Variants in SUGP2 observed in about 807,000 individuals in gnomAD.
The protein encoded by SUGP2 is SURP and G-patch domain containing 2, also known as SURP and G-patch domain-containing protein 2.
A neutral mutation model predicts 90.5 loss-of-function variants in SUGP2; 24 were observed. The observed-to-expected ratio is 0.27, with a 90% CI of 0.19 to 0.37. SUGP2 has a LOEUF of 0.37. Ranked by LOEUF, SUGP2 falls within the 10% of genes least tolerant of loss-of-function variation. The probability of loss-of-function intolerance (pLI) is 1.00; values close to 1 mark genes in which losing one functional copy is unlikely to be tolerated. For synonymous variants in SUGP2, 473 were observed against 513.4 expected, an observed-to-expected ratio of 0.92 and a Z score of 1.06; for missense variants, 1,233 against 1,363.3, an observed-to-expected ratio of 0.90 and a Z score of 1.51.
chr19:19,030,470 C>A (rs1299716056), intron 2 of SUGP2, among the ~76,000 whole-genome samples: 2 of 152,144 alleles, frequency 1.3e-5, no homozygotes, highest in Admixed American at 1.3e-4. Context: ...GCCAAGATCC[C>A]TCCATTGCCC....
chr19:19,030,525 A>G (rs1483420672), intron 2 of SUGP2, among the ~76,000 whole-genome samples: 1 of 152,142 alleles, frequency 6.6e-6, no homozygotes, highest in Non-Finnish European at 1.5e-5. Flanking sequence ...AAAACAAACA[A>G]ACAAACAAAC....
intron 4 of SUGP2, among the ~76,000 whole-genome samples, chr19:19,011,723 G>T (rs891383004): frequency 2.0e-4 from 30 of 152,110 alleles, no homozygotes; most frequent in Admixed American, 1.3e-4. Context: ...TAAGATGGGC[G>T]TGGTGGCTCA....
At position 19,009,349 on chromosome 19, in the gene SUGP2, G is replaced by A. The variant is rs182801523; in HGVS notation, c.2338+506C>T. On this transcript the variant is annotated intron_variant, in intron 5 of 10. Transcript: ENST00000452918. ...GAAGCACTGGCCAGAGAGCAGGCCT[G>A]TGGTACAGAGAGAAAGAAACAGCTA... 1.3e-4 allele frequency among the ~76,000 whole-genome samples: 20 copies of A among 152,018 alleles called. No homozygotes were observed. The East Asian group carries it at 3.9e-3, about 29-fold the overall frequency.
intron 6 of SUGP2, among the ~76,000 whole-genome samples, chr19:19,005,877 A>ACACAC (rs766203958): frequency 1.7e-5 from 1 of 58,008 alleles, no homozygotes; most frequent in African/African-American, 1.0e-4. Context: ...ACACACACAC[A>ACACAC]CACACACACA....
intron 9 of SUGP2, 33 bp downstream of exon 9, chr19:18,995,111 A>ACCCCC: frequency 1.1e-6 from 1 of 949,170 alleles, no homozygotes; most frequent in Non-Finnish European, 1.6e-6. Context: ...CTGAGGCCCC[A>ACCCCC]CCCACTCCCA....
At chr19:19,023,928 T>C (rs891604178) in intron 3 of SUGP2, among the ~76,000 whole-genome samples, 1 of 151,718 alleles carries the variant, frequency 6.6e-6, no homozygotes, top group African/African-American at 2.4e-5. Flanking sequence ...AGTCAACCCT[T>C]CTTTTTTTCA....
intron 4 of SUGP2, among the ~76,000 whole-genome samples, chr19:19,012,904 C>A (rs1219729375): frequency 6.6e-6 from 1 of 151,966 alleles, no homozygotes; most frequent in Non-Finnish European, 1.5e-5. Flanking sequence ...CGCTCTGTCA[C>A]CCAGGCTGGA....
rs1437265463 is a variant in SUGP2 at position 18,996,343 on chromosome 19, C to T, written c.2992-1063G>A. On this transcript the variant is annotated intron_variant, in intron 8 of 10. Transcript: ENST00000452918. Reference sequence around the variant, plus strand: ...CCTGGGAGGCAGAGGTTGCAGTGAGCGGAGACCGTGCCACTGCATTCCAGC... The same window carrying T: ...CCTGGGAGGCAGAGGTTGCAGTGAGTGGAGACCGTGCCACTGCATTCCAGC... 5.9e-5 allele frequency among the ~76,000 whole-genome samples: 9 copies of T among 152,264 alleles called. No homozygotes were observed. The East Asian group carries it at 1.2e-3, about 20-fold the overall frequency.
chr19:19,026,336 CT>C, intron 2 of SUGP2, 110 bp from the exon 3 acceptor site: 1 of 1,037,902 alleles, frequency 9.6e-7, no homozygotes, highest in Non-Finnish European at 1.3e-6. Context: ...AGCAAAACTG[CT>C]TTATACACCT....
chr19:19,033,386 G>C, intron 1 of SUGP2, 51 bp downstream of exon 1: 1 of 1,235,330 alleles, frequency 8.1e-7, no homozygotes, highest in Non-Finnish European at 1.0e-6. Context: ...CCGAGCCCGA[G>C]CTTCCCACCC....
chr19:18,999,187 C>G (rs964197096), intron 8 of SUGP2, among the ~76,000 whole-genome samples: 1 of 152,150 alleles, frequency 6.6e-6, no homozygotes, highest in Non-Finnish European at 1.5e-5. Flanking sequence ...GTTTCCTGGA[C>G]AGCTGGAGGA....
intron 8 of SUGP2, among the ~76,000 whole-genome samples, chr19:18,998,419 C>T (rs1055702201): frequency 5.9e-5 from 9 of 151,666 alleles, no homozygotes; most frequent in African/African-American, 9.7e-5. Flanking sequence ...TCCAAAGTCC[C>T]GGGATTACAG....
chr19:19,026,022 C>CG lies in SUGP2; in HGVS notation c.325dup (p.Arg109ProfsTer9). 6.2e-7 allele frequency: 1 copy of CG among 1,614,050 alleles called. No homozygotes were observed. Among genetic ancestry groups the CG allele is most frequent in the Non-Finnish European group, 8.5e-7 (1 of 1,180,012 alleles). On this transcript the variant is annotated frameshift_variant, in exon 3 of 11. Coordinates refer to ENST00000452918, the MANE Select transcript of SUGP2 (RefSeq NM_001017392.5). LOFTEE classifies it high-confidence loss of function. ...ATCAGAGTGAGAAAATTCCAGATCC[C>CG]GGCCACATTCTTTGCGAAAGTAGCT...
chr19:19,015,950 T>C (rs1250904087), intron 4 of SUGP2, among the ~76,000 whole-genome samples: 1 of 152,220 alleles, frequency 6.6e-6, no homozygotes, highest in East Asian at 1.9e-4. Flanking sequence ...CTTAATAGAA[T>C]CGTTTTCATA....
chr19:19,033,422 G>T lies in SUGP2; in HGVS notation c.-12+15C>A. The T allele has an allele frequency of 7.5e-7, 1 of 1,327,570 alleles. No individual in the cohort carries two copies. Among genetic ancestry groups the T allele is most frequent in the Non-Finnish European group, 9.7e-7 (1 of 1,035,690 alleles). 82.2% of individuals were successfully genotyped at this position (1,327,570 alleles called of 1,614,324 possible). On this transcript the variant is annotated intron_variant, in intron 1 of 10. Coordinates refer to ENST00000452918, the MANE Select transcript of SUGP2 (RefSeq NM_001017392.5). ...CGGGAGCCACCCACCGACGACGCCA[G>T]GGCCCGGGCCTCACCCCGAGACCAC...
At chr19:19,000,917 C>T (rs2057804058) in intron 8 of SUGP2, among the ~76,000 whole-genome samples, 1 of 151,944 alleles carries the variant, frequency 6.6e-6, no homozygotes, top group African/African-American at 2.4e-5. Context: ...ATTGCCCAGG[C>T]TGGTCTTAAA....
chr19:18,994,534 G>A, intron 9 of SUGP2, 48 bp from the exon 10 acceptor site: 1 of 1,604,206 alleles, frequency 6.2e-7, no homozygotes, highest in South Asian at 1.1e-5. Flanking sequence ...CCCAGGGCCT[G>A]GCATGCCAGG....
intron 4 of SUGP2, among the ~76,000 whole-genome samples, chr19:19,011,070 G>C (rs746721242): frequency 1.3e-5 from 2 of 151,110 alleles, no homozygotes; most frequent in Non-Finnish European, 2.9e-5. Flanking sequence ...CCAGGAAGTC[G>C]AGAGGCTGTG....
intron 1 of SUGP2, among the ~76,000 whole-genome samples, chr19:19,031,824 CT>C (rs374873309): frequency 0.017 from 2,367 of 138,028 alleles, 59 homozygotes; most frequent in African/African-American, 0.058. Context: ...TTTTATTTAT[CT>C]TTTTTTTTTT....
Sources: allele counts gnomAD v4.1 joint callset (sites outside exome capture counted in the v4.1 genomes callset), GRCh38; gene constraint gnomAD v4.1.1; transcripts MANE v1.5; gene names NCBI Gene and HGNC (gene_info 2026-07-23, HGNC 2026-07-21).